Variants in KCNK9 observed in about 807,000 individuals in gnomAD.
The protein encoded by KCNK9 is potassium channel subfamily K member 9.
Under a neutral mutation model 10.8 loss-of-function variants are expected in KCNK9, and 1 was observed. That is an observed-to-expected ratio of 0.09 (90% CI 0.03 to 0.44). The LOEUF (loss-of-function observed/expected upper bound fraction) is 0.44, where lower values mean the gene tolerates loss of function less well. Among genes scored for constraint, KCNK9 ranks in the 20% least tolerant of loss-of-function variants. The probability of loss-of-function intolerance (pLI) is 0.97; values close to 1 mark genes in which losing one functional copy is unlikely to be tolerated. For missense variants in KCNK9, 303 were observed against 515.0 expected (o/e 0.59, Z 3.98); for synonymous variants, 231 against 222.7 (o/e 1.04, Z -0.33).
Position 139,604,411 on chromosome 8 carries a change from G to A in KCNK9, c.*1-2810C>T, listed in dbSNP as rs193138481. Among the ~76,000 whole-genome samples the A allele has an allele frequency of 9.9e-5, 15 of 152,256 alleles. No individual in the cohort carries two copies. In the East Asian group the frequency reaches 2.7e-3, roughly 28 times the overall value. On this transcript the variant is annotated intron_variant, in intron 2 of 2. Coordinates refer to the KCNK9 transcript ENST00000650269. ...GGTCACATCTGAGCAGAGACACTGT[G>A]GGACGGGAGGAGGTGGGGTGAAAAG...
chr8:139,684,684 C>CA (rs1586690563), intron 1 of KCNK9, among the ~76,000 whole-genome samples: 2 of 152,222 alleles, frequency 1.3e-5, no homozygotes, highest in South Asian at 2.1e-4. Flanking sequence ...CACATAGCTT[C>CA]AAAAAACATA....
intron 1 of KCNK9, among the ~76,000 whole-genome samples, chr8:139,631,375 G>C (rs561759085): frequency 3.9e-5 from 6 of 152,202 alleles, no homozygotes; most frequent in African/African-American, 1.4e-4. Flanking sequence ...TGCGGGGTCA[G>C]TGGTATTCTC....
chr8:139,651,452 C>A (rs1437485687), intron 1 of KCNK9, among the ~76,000 whole-genome samples: 1 of 152,214 alleles, frequency 6.6e-6, no homozygotes, highest in Non-Finnish European at 1.5e-5. Context: ...CATTCACACC[C>A]AGGGTGCAGA....
intron 1 of KCNK9, among the ~76,000 whole-genome samples, chr8:139,692,875 C>A (rs1396313226): frequency 6.6e-6 from 1 of 152,102 alleles, no homozygotes; most frequent in Non-Finnish European, 1.5e-5. Context: ...TGCCCTGACA[C>A]AAAATGCTGC....
chr8:139,650,439 C>T (rs550595654), intron 1 of KCNK9, among the ~76,000 whole-genome samples: 9 of 152,238 alleles, frequency 5.9e-5, no homozygotes, highest in South Asian at 2.1e-4. Flanking sequence ...CGAGGGTGGG[C>T]GCCCACTCAG....
rs1816831531 is a variant in KCNK9 at position 139,687,516 on chromosome 8, A to ACATATATATT, written c.283+15193_283+15194insAATATATATG. The stretch of plus-strand genomic sequence containing the variant: ...CACATATATACATATATATGTATAC[A>ACATATATATT]CATATATTCATATATATGTATACAC... On this transcript the variant is annotated intron_variant, in intron 1 of 1. Transcript: ENST00000520439. 4.4e-5 allele frequency among the ~76,000 whole-genome samples: 6 copies of ACATATATATT among 137,852 alleles called. 1 individual carries two copies. The highest frequency in any genetic ancestry group is 1.6e-4 in the African/African-American group (6 of 36,834). 90.4% of individuals were successfully genotyped at this position (137,852 alleles called of 152,430 possible). A position where few individuals can be genotyped will look rare whatever the true frequency, so the allele number is the denominator to read the frequency against.
At chr8:139,670,694 G>T (rs1816406642) in intron 1 of KCNK9, among the ~76,000 whole-genome samples, 1 of 152,190 alleles carries the variant, frequency 6.6e-6, no homozygotes, top group African/African-American at 2.4e-5. Context: ...ACAACATCCT[G>T]AGTCTCAGAG....
intron 1 of KCNK9, among the ~76,000 whole-genome samples, chr8:139,683,493 G>A (rs1001934430): frequency 6.6e-6 from 1 of 152,228 alleles, no homozygotes; most frequent in African/African-American, 2.4e-5. Flanking sequence ...TTCAGCAGCA[G>A]GTCTGAGAGT....
chr8:139,696,027 A>C (rs1272266840), intron 1 of KCNK9, among the ~76,000 whole-genome samples: 2 of 152,052 alleles, frequency 1.3e-5, no homozygotes, highest in African/African-American at 2.4e-5. Context: ...CCAGTTTCTA[A>C]ATGTACATCT....
chr8:139,643,464 G>A (rs1815572057), intron 1 of KCNK9, among the ~76,000 whole-genome samples: 1 of 152,232 alleles, frequency 6.6e-6, no homozygotes, highest in African/African-American at 2.4e-5. Flanking sequence ...CTGGGGAAGG[G>A]GCTGCAGGGA....
In KCNK9 at chr8:139,678,298, A is replaced by G. The variant is rs532592711; in HGVS notation, c.283+24412T>C. Among the ~76,000 whole-genome samples the G allele has an allele frequency of 6.6e-5, 10 of 152,292 alleles. No individual in the cohort carries two copies. In the South Asian group the frequency reaches 2.1e-3, roughly 32 times the overall value. ...GTCTTTCCTGACATGTACACCTTGC[A>G]GGCAGCTCCCTTCTCCAGTCTGAGA... On this transcript the variant is annotated intron_variant, in intron 1 of 1. Transcript: ENST00000520439.
At chr8:139,672,547 C>T (rs1294309413) in intron 1 of KCNK9, among the ~76,000 whole-genome samples, 1 of 152,208 alleles carries the variant, frequency 6.6e-6, no homozygotes, top group African/African-American at 2.4e-5. Context: ...AAGATGGTCT[C>T]AAAATAGACT....
chr8:139,642,726 C>T (rs1815541417), intron 1 of KCNK9, among the ~76,000 whole-genome samples: 1 of 152,252 alleles, frequency 6.6e-6, no homozygotes, highest in East Asian at 1.9e-4. Flanking sequence ...GGCCCTCCAG[C>T]CCCCACAGGG....
chr8:139,636,550 G>T (rs1416073732), intron 1 of KCNK9, among the ~76,000 whole-genome samples: 1 of 152,188 alleles, frequency 6.6e-6, no homozygotes, highest in Admixed American at 6.5e-5. Context: ...AGTGCTTTCT[G>T]AGGTCACAAA....
chr8:139,648,151 A>G (rs549604719), intron 1 of KCNK9, among the ~76,000 whole-genome samples: 15 of 152,346 alleles, frequency 9.8e-5, no homozygotes, highest in African/African-American at 3.6e-4. Context: ...TGCTCAGTGA[A>G]GAAAGCCACA....
chr8:139,645,029 G>A (rs952684894), intron 1 of KCNK9, among the ~76,000 whole-genome samples: 2 of 152,226 alleles, frequency 1.3e-5, no homozygotes, highest in African/African-American at 4.8e-5. Flanking sequence ...CCCTAGGCTG[G>A]TGTCAGACCC....
At chr8:139,626,797 T>C (rs1814992749) in intron 1 of KCNK9, among the ~76,000 whole-genome samples, 1 of 152,142 alleles carries the variant, frequency 6.6e-6, no homozygotes. Flanking sequence ...TTTGTGCCGG[T>C]AAGAATTAAA....
chr8:139,668,642 G>C (rs751879389), intron 1 of KCNK9, among the ~76,000 whole-genome samples: 1 of 152,108 alleles, frequency 6.6e-6, no homozygotes, highest in Non-Finnish European at 1.5e-5. Context: ...GGCTGGTGTC[G>C]AACTCCCGAC....
intron 1 of KCNK9, among the ~76,000 whole-genome samples, chr8:139,665,101 T>G (rs1012060131): frequency 2.0e-5 from 3 of 152,164 alleles, no homozygotes; most frequent in Non-Finnish European, 2.9e-5. Context: ...TGCCATGAAC[T>G]CGGTGGCTTA....
Sources: allele counts gnomAD v4.1 joint callset (sites outside exome capture counted in the v4.1 genomes callset), GRCh38; gene constraint gnomAD v4.1.1; transcripts MANE v1.5; gene names NCBI Gene and HGNC (gene_info 2026-07-23, HGNC 2026-07-21).